Variants in PCDH15 observed in about 807,000 individuals in gnomAD.
PCDH15 encodes protocadherin related 15.
A neutral mutation model predicts 178.5 loss-of-function variants in PCDH15; 129 were observed. The observed-to-expected ratio is 0.72, with a 90% CI of 0.63 to 0.84. The LOEUF is 0.84. PCDH15 is among the 40% of genes least tolerant of loss of function. PCDH15 has a pLI of 0.00. For missense variants in PCDH15, 2,230 were observed against 2,099.9 expected, an observed-to-expected ratio of 1.06 and a Z score of -1.21; for synonymous variants, 800 against 732.0, an observed-to-expected ratio of 1.09 and a Z score of -1.50.
intron 3 of PCDH15, among the ~76,000 whole-genome samples, chr10:54,414,741 G>A (rs552318970): frequency 1.3e-5 from 2 of 152,044 alleles, no homozygotes; most frequent in East Asian, 1.9e-4. Flanking sequence ...ATGAGAAAAC[G>A]AAGCCCAGAG....
intron 1 of PCDH15, among the ~76,000 whole-genome samples, chr10:54,721,360 A>AG (rs1244442823): frequency 6.6e-6 from 1 of 151,946 alleles, no homozygotes; most frequent in Non-Finnish European, 1.5e-5. Context: ...ATCTAGCAGA[A>AG]GAAAAAAAAT....
chr10:55,172,321 T>C (rs10509026), intron 1 of PCDH15, among the ~76,000 whole-genome samples: 34,445 of 151,870 alleles, frequency 0.23, 4,039 homozygotes, highest in East Asian at 0.3. Context: ...ATTGCAGCTT[T>C]TTTTTCAAGA....
chr10:55,310,305 A>C (rs1381540680), intron 1 of PCDH15, among the ~76,000 whole-genome samples: 1 of 152,094 alleles, frequency 6.6e-6, no homozygotes, highest in Non-Finnish European at 1.5e-5. Flanking sequence ...GTTCTTAATA[A>C]ATTTTTCGTA....
intron 5 of PCDH15, among the ~76,000 whole-genome samples, chr10:54,361,283 C>G (rs1233771815): frequency 1.3e-5 from 2 of 152,000 alleles, no homozygotes; most frequent in Non-Finnish European, 2.9e-5. Flanking sequence ...GTCCAAGGGT[C>G]AACTGTAAAG....
intron 2 of PCDH15, among the ~76,000 whole-genome samples, chr10:54,559,160 A>G (rs1590105746): frequency 6.6e-6 from 1 of 152,130 alleles, no homozygotes; most frequent in Non-Finnish European, 1.5e-5. Flanking sequence ...TGAGAATTAC[A>G]ATAATTAAAA....
chr10:54,442,456 ATATAC>A (rs1565288332), intron 3 of PCDH15, among the ~76,000 whole-genome samples: 8 of 105,578 alleles, frequency 7.6e-5, no homozygotes, highest in East Asian at 2.6e-4. Context: ...ATATATATAT[ATATAC>A]AGTCTTTTTT....
At chr10:54,734,323 C>T (rs990194504) in intron 1 of PCDH15, among the ~76,000 whole-genome samples, 23 of 151,876 alleles carry the variant, frequency 1.5e-4, no homozygotes, top group Admixed American at 1.3e-4. Context: ...CAACAACAGT[C>T]ATTAGGGGCA....
At chr10:54,149,446 G>C (rs2133286318) in intron 14 of PCDH15, among the ~76,000 whole-genome samples, 1 of 152,176 alleles carries the variant, frequency 6.6e-6, no homozygotes, top group Admixed American at 6.6e-5. Context: ...ATCCATCCAG[G>C]CTGAGAGAAG....
At chr10:54,175,408 G>A (rs930027053) in intron 13 of PCDH15, among the ~76,000 whole-genome samples, 3 of 152,026 alleles carry the variant, frequency 2.0e-5, no homozygotes, top group African/African-American at 7.3e-5. Flanking sequence ...AAATAACACA[G>A]GACACTCAGA....
intron 2 of PCDH15, among the ~76,000 whole-genome samples, chr10:55,153,487 C>T (rs1838793657): frequency 6.6e-6 from 1 of 152,036 alleles, no homozygotes; most frequent in Admixed American, 6.6e-5. Flanking sequence ...TAATTTATAA[C>T]AATAAAAAGA....
At chr10:54,431,767 A>T (rs1956994524) in intron 3 of PCDH15, among the ~76,000 whole-genome samples, 1 of 152,166 alleles carries the variant, frequency 6.6e-6, no homozygotes, top group Non-Finnish European at 1.5e-5. Context: ...GCAATCAGAC[A>T]AGAGAAAGAA....
intron 3 of PCDH15, among the ~76,000 whole-genome samples, chr10:54,515,356 C>T (rs1322813845): frequency 6.6e-6 from 1 of 152,192 alleles, no homozygotes; most frequent in Non-Finnish European, 1.5e-5. Context: ...GGGTCCTATG[C>T]CCATGGAGTC....
intron 2 of PCDH15, among the ~76,000 whole-genome samples, chr10:55,034,619 T>A (rs2131970006): frequency 6.6e-6 from 1 of 152,154 alleles, no homozygotes; most frequent in East Asian, 1.9e-4. Flanking sequence ...TCAATTCCTG[T>A]TGGCACTATT....
chr10:54,379,039 T>G (rs1023243104), intron 3 of PCDH15, 97 bp from the exon 4 acceptor site: 2 of 1,383,550 alleles, frequency 1.4e-6, no homozygotes, highest in African/African-American at 1.4e-5. Flanking sequence ...CACAATCAGT[T>G]TTAAAGCTGA....
Position 55,339,515 on chromosome 10 carries a change from A to C in PCDH15, c.-155-172864T>G, listed in dbSNP as rs115066497. Among the ~76,000 whole-genome samples the C allele has an allele frequency of 5.6e-3, 849 of 152,296 alleles. 10 individuals are homozygous for C. Among genetic ancestry groups the C allele is most frequent in the African/African-American group, 0.02 (812 of 41,582 alleles). On this transcript the variant is annotated intron_variant, in intron 2 of 5. Transcript: ENST00000613346. The stretch of plus-strand genomic sequence containing the variant: ...TGCCAGTGTATTTTTAGTTGCATTA[A>C]TCAATGTATACATAACAGATACAAA...
chr10:53,938,479 C>T (rs1471626836), intron 25 of PCDH15, among the ~76,000 whole-genome samples: 1 of 152,064 alleles, frequency 6.6e-6, no homozygotes, highest in Non-Finnish European at 1.5e-5. Flanking sequence ...TTCTAGAAGT[C>T]ATTCATTAAA....
chr10:54,718,863 A>T (rs1268179437), intron 1 of PCDH15, among the ~76,000 whole-genome samples: 2 of 151,522 alleles, frequency 1.3e-5, no homozygotes, highest in African/African-American at 4.8e-5. Context: ...TGTCCAGCTA[A>T]TTTTTGTATT....
chr10:54,139,317 G>A (rs1308273017), intron 14 of PCDH15, among the ~76,000 whole-genome samples: 3 of 151,700 alleles, frequency 2.0e-5, no homozygotes, highest in Admixed American at 1.3e-4. Context: ...AAAAAGTAAT[G>A]AACAAGGAAA....
chr10:53,866,868 G>T lies in PCDH15; in HGVS notation c.3502-11C>A, dbSNP rs755361328. The stretch of plus-strand genomic sequence containing the variant: ...ATCTTTATCAGTAGCCTAGACGGAG[G>T]GGAAAAAAAAAGAGATTATAATTAA... On this transcript the variant is annotated splice_polypyrimidine_tract_variant and intron_variant, in intron 26 of 37. Coordinates refer to ENST00000644397, the MANE Select transcript of PCDH15 (RefSeq NM_001384140.1). The T allele has an allele frequency of 1.2e-5, 19 of 1,549,110 alleles. No individual in the cohort carries two copies. In the South Asian group the frequency reaches 2.1e-4, roughly 17 times the overall value.
Sources: allele counts gnomAD v4.1 joint callset (sites outside exome capture counted in the v4.1 genomes callset), GRCh38; gene constraint gnomAD v4.1.1; transcripts MANE v1.5; gene names NCBI Gene and HGNC (gene_info 2026-07-23, HGNC 2026-07-21).